VILL: variants seen among roughly 807,000 people sequenced by gnomAD.
VILL encodes the protein villin like.
In VILL, 102 loss-of-function variants were observed where a neutral mutation model predicts 106.3. The ratio of observed to expected loss-of-function variants is 0.96; its 90% CI spans 0.82 to 1.13. VILL has a LOEUF of 1.13. Ranked by LOEUF, VILL falls within the 50% of genes most tolerant of loss-of-function variation. VILL has a pLI of 0.00. For missense variants in VILL, 1,076 were observed against 1,116.6 expected (o/e 0.96, Z 0.52); for synonymous variants, 431 against 440.3 (o/e 0.98, Z 0.27).
At chr3:38,005,074 C>T (rs1699890119) in intron 16 of VILL, among the ~76,000 whole-genome samples, 1 of 152,014 alleles carries the variant, frequency 6.6e-6, no homozygotes, top group South Asian at 2.1e-4. Context: ...GGTTTGCTGT[C>T]TGGCTGTGTG....
chr3:37,998,397 A>G lies in VILL; in HGVS notation c.942+33A>G, dbSNP rs200434590. The G allele has an allele frequency of 6.2e-7, 1 of 1,605,332 alleles. No individual in the cohort carries two copies. Among genetic ancestry groups the G allele is most frequent in the African/African-American group, 1.3e-5 (1 of 74,874 alleles). On this transcript the variant is annotated intron_variant, in intron 9 of 19. Transcript: ENST00000383759. This position sits in a 1 kb window ranked among gnomAD's most constrained non-coding sequence, Gnocchi z 4.1. ...CTGGGGCTCTGTCTGAGAGGAACAG[A>G]GCACTGCCCTGGGGTCTGAGTGGGG...
intron 1 of VILL, 83 bp from the exon 2 acceptor site, chr3:37,993,504 A>T: frequency 4.7e-6 from 3 of 631,906 alleles, no homozygotes; most frequent in Non-Finnish European, 8.2e-6. Context: ...CACTTGCTGC[A>T]GAATCTGAGT....
intron 14 of VILL, 188 bp downstream of exon 14, chr3:38,002,763 C>A: frequency 1.4e-6 from 1 of 705,816 alleles, no homozygotes. Flanking sequence ...ACAGGTGGAC[C>A]TGAGAGTCCG....
In VILL at chr3:38,006,990, G is replaced by A. The variant is rs34842119; in HGVS notation, c.2506G>A (p.Glu836Lys). 1.0e-3 allele frequency: 1,611 copies of A among 1,614,126 alleles called. 11 individuals carry two copies. In the African/African-American group the frequency reaches 0.015, roughly 15 times the overall value. The change falls in exon 20 of 20, where the codon GAG (glutamate) becomes AAG (lysine). Residue 836 changes from glutamate (E) to lysine (K), a missense_variant. By Grantham distance (56) the Glu-to-Lys change is moderately conservative (BLOSUM62 1). Coordinates refer to ENST00000383759, the MANE Select transcript of VILL (RefSeq NM_015873.4). ...DFQDIFGKSK[E>K]EFYSMATWRQ... ...CCAAGATATCTTTGGGAAATCCAAGGAGGAATTCTACAGCATGGCCACGTG... is the reference window on the plus strand; with the variant it reads ...CCAAGATATCTTTGGGAAATCCAAGAAGGAATTCTACAGCATGGCCACGTG...
At chr3:37,993,804 C>T (rs1395196076) in intron 2 of VILL, 72 bp downstream of exon 2, 55 of 1,605,654 alleles carry the variant, frequency 3.4e-5, no homozygotes, top group Non-Finnish European at 4.3e-5. Context: ...AGGCTTCTCC[C>T]GCCCCCAACT....
chr3:38,000,693 G>T (rs2125535169), intron 11 of VILL, among the ~76,000 whole-genome samples: 1 of 152,314 alleles, frequency 6.6e-6, no homozygotes, highest in East Asian at 1.9e-4. Flanking sequence ...CCCGGTAATT[G>T]CCACTGTTAG....
intron 15 of VILL, 37 bp from the exon 16 acceptor site, chr3:38,004,217 TC>T: frequency 1.9e-6 from 3 of 1,587,510 alleles, no homozygotes; most frequent in Non-Finnish European, 2.6e-6. Flanking sequence ...GGGGTGCCCC[TC>T]TGGGTGGCTC....
intron 3 of VILL, 126 bp downstream of exon 3, chr3:37,994,098 G>C (rs1302531788): frequency 3.5e-6 from 5 of 1,443,434 alleles, no homozygotes; most frequent in Non-Finnish European, 2.9e-6. Context: ...CATCCCACAA[G>C]GGGGCGGTTA....
At chr3:38,005,179 G>A (rs1390782047) in intron 16 of VILL, among the ~76,000 whole-genome samples, 2 of 152,100 alleles carry the variant, frequency 1.3e-5, no homozygotes, top group Non-Finnish European at 2.9e-5. Context: ...AATTGGTGAT[G>A]AAGCTGTGTG....
chr3:37,994,334 C>T lies in VILL; in HGVS notation c.209C>T (p.Ala70Val). The change falls in exon 4 of 20, where the codon GCG becomes GTG. Residue 70 changes from alanine to valine, a missense_variant. By Grantham distance (64) the Ala-to-Val change is moderately conservative. Transcript: ENST00000383759. ...LHYWVGKQAG[A>V]EAQGAAEAFQ... ...TACTGGGTCGGGAAGCAGGCGGGTG[C>T]GGAAGCGCAGGGCGCTGCGGAGGCC... is the stretch of plus-strand genomic sequence containing the variant. 1.9e-6 allele frequency: 3 copies of T among 1,611,318 alleles called. No individual in the cohort carries two copies. Among genetic ancestry groups the T allele is most frequent in the Non-Finnish European group, 2.5e-6 (3 of 1,179,660 alleles).
At chr3:38,001,186 G>A (rs1029026202) in intron 11 of VILL, 3 of 569,182 alleles carry the variant, frequency 5.3e-6, no homozygotes, top group Admixed American at 2.9e-5. Context: ...GGCTGGTGGG[G>A]TTGGGACTAG....
intron 4 of VILL, among the ~76,000 whole-genome samples, chr3:37,995,293 T>C (rs1327400344): frequency 6.6e-6 from 1 of 152,252 alleles, no homozygotes. Context: ...GCATATAGCA[T>C]ATACATGAAC....
rs532852932 is a variant in VILL, at chr3:38,001,483, C to A, written c.1210C>A (p.Gln404Lys). The A allele has an allele frequency of 7.5e-5, 121 of 1,614,050 alleles. No homozygotes were observed. The Admixed American group carries it at 2.0e-3, about 26-fold the overall frequency. The change falls in exon 12 of 20, where the codon CAG (glutamine) becomes AAG (lysine). Residue 404 changes from glutamine (Q) to lysine (K), a missense_variant. Gln to Lys is a moderately conservative substitution (Grantham distance 53). Transcript: ENST00000383759. ...EVWCIQDLHRQPVDPKRHGQL... is the reference protein window; with the variant it reads ...EVWCIQDLHRKPVDPKRHGQL... The stretch of plus-strand genomic sequence containing the variant: ...GTGGTGCATCCAGGACTTACACAGG[C>A]AGCCCGTGGACCCCAAGCGTCATGG...
rs774021167 is a variant in VILL at position 38,006,693 on chromosome 3, G to A, written c.2450G>A (p.Arg817His). 1.1e-5 allele frequency: 18 copies of A among 1,601,498 alleles called. No homozygotes were observed. The highest frequency in any genetic ancestry group is 6.7e-5 in the East Asian group (3 of 44,674). The change falls in exon 19 of 20, where the codon CGC becomes CAC. Residue 817 changes from arginine to histidine, a missense_variant. Coordinates refer to ENST00000383759, the MANE Select transcript of VILL (RefSeq NM_015873.4). The part of the protein sequence containing the change: ...EDLPEGVDPA[R>H]REFYLSDSDF... ...CTGCCAGAGGGCGTGGACCCTGCCC[G>A]CAGGGAGGTGGGCACCCCCTCACTG...
At chr3:38,001,650 G>T in intron 12 of VILL, 52 bp from the exon 13 acceptor site, 1 of 1,613,460 alleles carries the variant, frequency 6.2e-7, no homozygotes, top group Non-Finnish European at 8.5e-7. Flanking sequence ...TGGGCTCTGG[G>T]AGTGAAATGT....
chr3:37,998,245 CA>C lies in VILL; in HGVS notation c.844-20del. 6.2e-7 allele frequency: 1 copy of C among 1,614,014 alleles called. No individual in the cohort carries two copies. The highest frequency in any genetic ancestry group is 1.6e-4 in the Middle Eastern group (1 of 6,062). ...AGCCCAGTCTGGACCACCTACTGAC[CA>C]GCCCCACCCTTGCTCCCAGGACTTC... On this transcript the variant is annotated intron_variant, in intron 8 of 19. Transcript: ENST00000383759. The surrounding 1 kb of genome is among the most constrained non-coding windows in gnomAD (Gnocchi z 4.1).
chr3:37,999,465 G>A (rs1393285225), intron 11 of VILL, 26 bp downstream of exon 11: 4 of 1,450,730 alleles, frequency 2.8e-6, no homozygotes, highest in Non-Finnish European at 3.6e-6. Context: ...TTAGCTGGGG[G>A]AAGATGGGCA....
At chr3:38,001,373 G>T in intron 11 of VILL, 83 bp from the exon 12 acceptor site, 1 of 1,575,242 alleles carries the variant, frequency 6.3e-7, no homozygotes. Flanking sequence ...AGAGGCTGGG[G>T]AGAGCTTTCC....
rs1298086890 is a variant in VILL, at chr3:38,001,869, C to T, written c.1479+9C>T. 3.1e-6 allele frequency: 5 copies of T among 1,614,128 alleles called. No homozygotes were observed. Among genetic ancestry groups the T allele is most frequent in the Non-Finnish European group, 3.4e-6 (4 of 1,180,012 alleles). On this transcript the variant is annotated intron_variant, in intron 13 of 19. Transcript: ENST00000383759. ...AGCTGGTGATCTTCCAGGTAGGTCT[C>T]ACCTTGCCACTCTGGCCACAGCCTG...
Sources: allele counts gnomAD v4.1 joint callset (sites outside exome capture counted in the v4.1 genomes callset), GRCh38; gene constraint gnomAD v4.1.1; non-coding constraint Gnocchi (gnomAD v3.1); transcripts MANE v1.5; gene names NCBI Gene and HGNC (gene_info 2026-07-23, HGNC 2026-07-21).